The following F13A1 variants were observed in gnomAD, a reference collection of about 807,000 sequenced individuals.
F13A1 encodes FSF, A subunit.
F13A1 carries 47 observed loss-of-function variants against 80.1 expected under a neutral mutation model. The ratio of observed to expected loss-of-function variants is 0.59; its 90% CI spans 0.46 to 0.75. The LOEUF is 0.75. F13A1 is among the 30% of genes least tolerant of loss of function. The pLI, the probability that F13A1 is intolerant of heterozygous loss-of-function variation, is 0.00. For missense variants in F13A1, 817 were observed against 930.4 expected (o/e 0.88, Z 1.59); for synonymous variants, 349 against 344.9 (o/e 1.01, Z -0.13).
intron 3 of F13A1, among the ~76,000 whole-genome samples, chr6:6,279,416 C>T (rs1758031545): frequency 1.3e-5 from 2 of 152,150 alleles, no homozygotes; most frequent in African/African-American, 2.4e-5. Context: ...CTTTTTGCCC[C>T]ATCTGACCCC....
At chr6:6,261,227 G>A (rs771615460) in intron 4 of F13A1, among the ~76,000 whole-genome samples, 2 of 152,238 alleles carry the variant, frequency 1.3e-5, no homozygotes, top group African/African-American at 4.8e-5. Flanking sequence ...TTGGTCTCCC[G>A]AAGTGCTGGG....
intron 8 of F13A1, among the ~76,000 whole-genome samples, chr6:6,203,993 A>G (rs1432176523): frequency 6.6e-6 from 1 of 152,220 alleles, no homozygotes; most frequent in African/African-American, 2.4e-5. Flanking sequence ...CCAGTAGAGC[A>G]CAGTAGTTCA....
intron 13 of F13A1, among the ~76,000 whole-genome samples, chr6:6,158,757 T>C (rs1031359197): frequency 4.1e-5 from 5 of 121,388 alleles, no homozygotes; most frequent in East Asian, 2.3e-4. Context: ...GAACACATAG[T>C]CTGTTCCCAT....
intron 6 of F13A1, among the ~76,000 whole-genome samples, chr6:6,226,795 G>A (rs1375427619): frequency 6.6e-6 from 1 of 152,188 alleles, no homozygotes; most frequent in African/African-American, 2.4e-5. Flanking sequence ...AAGACCTTAT[G>A]CCTGGAGAGA....
intron 3 of F13A1, among the ~76,000 whole-genome samples, chr6:6,278,493 A>G (rs1465262148): frequency 6.6e-6 from 1 of 152,186 alleles, no homozygotes; most frequent in Non-Finnish European, 1.5e-5. Flanking sequence ...ATGTGCCTGA[A>G]GCAGAGAAAC....
chr6:6,227,453 G>A (rs1033950385), intron 6 of F13A1, among the ~76,000 whole-genome samples: 3 of 152,190 alleles, frequency 2.0e-5, no homozygotes, highest in Admixed American at 6.5e-5. Flanking sequence ...ATAGAGTCAT[G>A]AAATGACTGG....
intron 4 of F13A1, among the ~76,000 whole-genome samples, chr6:6,254,935 A>G (rs2113108354): frequency 6.6e-6 from 1 of 152,234 alleles, no homozygotes; most frequent in African/African-American, 2.4e-5. Context: ...ATTTAAGTGA[A>G]GCTACCCATT....
intron 8 of F13A1, among the ~76,000 whole-genome samples, chr6:6,217,757 G>A (rs1325691): frequency 0.65 from 99,236 of 152,070 alleles, 33,499 homozygotes; most frequent in African/African-American, 0.83. Context: ...TACAATGTGT[G>A]AAACACCATA....
At chr6:6,311,049 T>TAAAA (rs368426296) in intron 2 of F13A1, among the ~76,000 whole-genome samples, 86,586 of 151,072 alleles carry the variant, frequency 0.57, 26,180 homozygotes, top group East Asian at 0.85. Context: ...TTTTTTTTTT[T>TAAAA]AAAAAAAAGT....
intron 6 of F13A1, among the ~76,000 whole-genome samples, chr6:6,239,648 A>T (rs1190550065): frequency 6.6e-6 from 1 of 152,152 alleles, no homozygotes; most frequent in Non-Finnish European, 1.5e-5. Context: ...GTATCTGAGG[A>T]TGCTCATTTG....
chr6:6,307,557 T>G (rs1041762863), intron 2 of F13A1, among the ~76,000 whole-genome samples: 19 of 152,306 alleles, frequency 1.2e-4, no homozygotes, highest in Non-Finnish European at 2.9e-5. Context: ...TAAAGTTTTT[T>G]TTTTAAAAAT....
chr6:6,206,336 TC>T, intron 8 of F13A1: 1 of 384,432 alleles, frequency 2.6e-6, no homozygotes, highest in South Asian at 2.0e-5. Flanking sequence ...CTAGTAACCT[TC>T]TAACGGTATA....
At chr6:6,186,187 A>G (rs541170657) in intron 10 of F13A1, among the ~76,000 whole-genome samples, 4,558 of 149,878 alleles carry the variant, frequency 0.03, 215 homozygotes, top group African/African-American at 0.1. Flanking sequence ...GTTCACTCTG[A>G]TGGTAGTTTC....
intron 10 of F13A1, among the ~76,000 whole-genome samples, chr6:6,188,271 A>G (rs1355389230): frequency 6.6e-6 from 1 of 150,960 alleles, no homozygotes. Context: ...CTAGCTTTTG[A>G]ATGTGTTTGC....
At chr6:6,310,593 AT>A (rs989276021) in intron 2 of F13A1, among the ~76,000 whole-genome samples, 1 of 152,140 alleles carries the variant, frequency 6.6e-6, no homozygotes, top group African/African-American at 2.4e-5. Context: ...CTGAACCCAA[AT>A]CCCAACTCTC....
At chr6:6,237,196 T>C (rs1264022702) in intron 6 of F13A1, among the ~76,000 whole-genome samples, 1 of 152,186 alleles carries the variant, frequency 6.6e-6, no homozygotes, top group African/African-American at 2.4e-5. Context: ...GTTCTGGGAA[T>C]GTAGAGATCT....
intron 11 of F13A1, among the ~76,000 whole-genome samples, chr6:6,181,157 A>G (rs575490126): frequency 6.6e-6 from 1 of 152,242 alleles, no homozygotes; most frequent in East Asian, 1.9e-4. Context: ...TCATGTTCAC[A>G]CTGTCTGGAA....
At chr6:6,159,444 G>A (rs1256836979) in intron 13 of F13A1, among the ~76,000 whole-genome samples, 2 of 152,210 alleles carry the variant, frequency 1.3e-5, no homozygotes, top group Non-Finnish European at 2.9e-5. Context: ...AAACAAGCTA[G>A]TGTCCCAAGT....
At chr6:6,172,431 T>G (rs892711230) in intron 12 of F13A1, among the ~76,000 whole-genome samples, 41 of 145,722 alleles carry the variant, frequency 2.8e-4, no homozygotes, top group Non-Finnish European at 2.4e-4. Flanking sequence ...GCTTTTAGTT[T>G]CCAAAGAAAA....
Sources: allele counts gnomAD v4.1 joint callset (sites outside exome capture counted in the v4.1 genomes callset), GRCh38; gene constraint gnomAD v4.1.1; transcripts MANE v1.5; gene names NCBI Gene and HGNC (gene_info 2026-07-23, HGNC 2026-07-21).